The following LRIF1 variants were observed in gnomAD, a reference collection of about 807,000 sequenced individuals.
LRIF1 encodes the protein ligand dependent nuclear receptor interacting factor 1.
LRIF1 carries 32 observed loss-of-function variants against 52.7 expected under a neutral mutation model. That is an observed-to-expected ratio of 0.61 (90% CI 0.46 to 0.82). LRIF1 has a LOEUF of 0.82. Ranked by LOEUF, LRIF1 falls within the 40% of genes least tolerant of loss-of-function variation. The probability of loss-of-function intolerance (pLI) is 0.00; values close to 1 mark genes in which losing one functional copy is unlikely to be tolerated. For missense variants in LRIF1, 887 were observed against 892.0 expected, an observed-to-expected ratio of 0.99 and a Z score of 0.07; for synonymous variants, 323 against 317.4, an observed-to-expected ratio of 1.02 and a Z score of -0.19.
chr1:110,906,778 CA>C, the LRIF1 span, among the ~76,000 whole-genome samples: 3 of 150,298 alleles, frequency 2.0e-5, no homozygotes, highest in Non-Finnish European at 4.4e-5. Context: ...AATGCAGTCT[CA>C]AAAAAAAATC....
the LRIF1 span, among the ~76,000 whole-genome samples, chr1:110,881,479 C>A: frequency 6.6e-6 from 1 of 151,892 alleles, no homozygotes; most frequent in Non-Finnish European, 1.5e-5. Flanking sequence ...AAAATTATAC[C>A]ACTATTTATT....
the LRIF1 span, among the ~76,000 whole-genome samples, chr1:110,877,982 G>A: frequency 6.6e-6 from 1 of 152,220 alleles, no homozygotes; most frequent in African/African-American, 2.4e-5. Context: ...GAGTTGGGAA[G>A]TAATAGGCAC....
At chr1:110,946,009 G>A (rs1044060437), downstream of LRIF1, among the ~76,000 whole-genome samples, 11 of 152,058 alleles carry the variant, frequency 7.2e-5, no homozygotes, top group Non-Finnish European at 1.2e-4. Flanking sequence ...ATACCCAAGA[G>A]AACTGAAAAT....
At chr1:110,910,462 A>C in the LRIF1 span, among the ~76,000 whole-genome samples, 1 of 152,060 alleles carries the variant, frequency 6.6e-6, no homozygotes, top group Non-Finnish European at 1.5e-5. Context: ...TTAGCTGGGC[A>C]TGGCAGCACA....
At chr1:110,958,952 C>T (rs931733322) in intron 1 of LRIF1, among the ~76,000 whole-genome samples, 1 of 152,152 alleles carries the variant, frequency 6.6e-6, no homozygotes, top group South Asian at 2.1e-4. Context: ...GGATGAAATT[C>T]GTACTCCTTC....
the LRIF1 span, among the ~76,000 whole-genome samples, chr1:110,918,269 T>C: frequency 6.6e-6 from 1 of 151,958 alleles, no homozygotes; most frequent in Non-Finnish European, 1.5e-5. Flanking sequence ...TCACTAATAC[T>C]CAGCACTGTC....
chr1:110,920,875 T>C, the LRIF1 span, among the ~76,000 whole-genome samples: 4 of 152,118 alleles, frequency 2.6e-5, no homozygotes, highest in African/African-American at 7.2e-5. Flanking sequence ...ATTTAAAAGG[T>C]TGAAGTGAAA....
At chr1:110,887,978 A>G in the LRIF1 span, among the ~76,000 whole-genome samples, 2 of 152,320 alleles carry the variant, frequency 1.3e-5, no homozygotes, top group East Asian at 3.9e-4. Context: ...GTTCTTATCT[A>G]ATCATATGGG....
At chr1:110,892,273 G>A in the LRIF1 span, 66 of 1,034,524 alleles carry the variant, frequency 6.4e-5, 1 homozygote, top group East Asian at 1.5e-3. Flanking sequence ...CTGATCTCAA[G>A]GAAGTGAGAA....
chr1:110,877,986 T>C, the LRIF1 span, among the ~76,000 whole-genome samples: 1 of 152,140 alleles, frequency 6.6e-6, no homozygotes, highest in Non-Finnish European at 1.5e-5. Flanking sequence ...TGGGAAGTAA[T>C]AGGCACAAAA....
At chr1:110,882,650 T>G in the LRIF1 span, among the ~76,000 whole-genome samples, 29 of 152,142 alleles carry the variant, frequency 1.9e-4, no homozygotes, top group African/African-American at 6.7e-4. Context: ...ATAGATAAAT[T>G]TGGAAGAATT....
the LRIF1 span, among the ~76,000 whole-genome samples, chr1:110,915,455 T>G: frequency 1.3e-5 from 2 of 152,034 alleles, no homozygotes; most frequent in South Asian, 4.2e-4. Flanking sequence ...GCCAATGCAC[T>G]CCAGCCTGGG....
the LRIF1 span, among the ~76,000 whole-genome samples, chr1:110,932,849 T>C: frequency 8.5e-4 from 129 of 152,336 alleles, no homozygotes; most frequent in Non-Finnish European, 1.6e-3. Context: ...CTATTTTCTC[T>C]TTCCATCAAC....
At chr1:110,889,727 C>A in the LRIF1 span, among the ~76,000 whole-genome samples, 1 of 152,044 alleles carries the variant, frequency 6.6e-6, no homozygotes, top group African/African-American at 2.4e-5. Flanking sequence ...GAAATTGTGA[C>A]TGGAACTGTT....
intron 1 of LRIF1, 96 bp downstream of exon 1, chr1:110,963,525 C>T (rs111955172): frequency 1.9e-5 from 20 of 1,049,856 alleles, no homozygotes; most frequent in Non-Finnish European, 2.7e-5. Flanking sequence ...GCTCCAACTC[C>T]TCTCAACTAC....
At chr1:110,920,615 G>T in the LRIF1 span, among the ~76,000 whole-genome samples, 1 of 152,132 alleles carries the variant, frequency 6.6e-6, no homozygotes, top group South Asian at 2.1e-4. Flanking sequence ...GTAGATACGT[G>T]TCATTATAAC....
At chr1:110,912,532 A>G in the LRIF1 span, among the ~76,000 whole-genome samples, 1 of 152,132 alleles carries the variant, frequency 6.6e-6, no homozygotes, top group Non-Finnish European at 1.5e-5. Context: ...CAATACCCCA[A>G]TGATGTCCAA....
Position 110,963,743 on chromosome 1 carries a change from A to AC in LRIF1, c.-56_-55insG. ...CAGAAAAGTGGGAAGCGTGGGGCCG[A>AC]GTTTCCCAATGGGGCGAGAACCAGA... On this transcript the variant is annotated 5_prime_UTR_variant, in exon 1 of 4. Transcript: ENST00000369763. The AC allele has an allele frequency of 7.0e-7, 1 of 1,420,452 alleles. No homozygotes were observed. Among genetic ancestry groups the AC allele is most frequent in the Non-Finnish European group, 9.8e-7 (1 of 1,020,542 alleles). The allele number at this position is 1,420,452 out of a possible 1,614,324, so 88.0% of individuals were successfully genotyped here.
chr1:110,916,955 A>G, the LRIF1 span, among the ~76,000 whole-genome samples: 3 of 152,370 alleles, frequency 2.0e-5, no homozygotes, highest in Admixed American at 2.0e-4. Context: ...GGTGTGCCAC[A>G]AGACATATTT....
Sources: gnomAD v4.1 joint callset for allele counts (sites outside exome capture counted in the v4.1 genomes callset) on GRCh38, gnomAD v4.1.1 for gene constraint, MANE v1.5 for transcripts, NCBI Gene and HGNC (gene_info 2026-07-23, HGNC 2026-07-21) for gene names.